CHTF18: variants seen among roughly 807,000 people sequenced by gnomAD.
CHTF18 encodes chromosome transmission fidelity factor 18.
CHTF18 carries 151 observed loss-of-function variants against 113.4 expected under a neutral mutation model. That is an observed-to-expected ratio of 1.33 (90% CI 1.17 to 1.52). The LOEUF (loss-of-function observed/expected upper bound fraction) is 1.52, where lower values mean the gene tolerates loss of function less well. Among genes scored for constraint, CHTF18 ranks in the 40% most tolerant of loss-of-function variants. CHTF18 has a pLI of 0.00. For missense variants in CHTF18, 1,982 were observed against 1,381.6 expected, an observed-to-expected ratio of 1.43 and a Z score of -6.89; for synonymous variants, 916 against 598.8, an observed-to-expected ratio of 1.53 and a Z score of -7.74.
At chr16:791,502 T>G in intron 8 of CHTF18, 132 bp downstream of exon 8, 1 of 1,443,164 alleles carries the variant, frequency 6.9e-7, no homozygotes, top group Non-Finnish European at 9.1e-7. Context: ...TGAAGCGCCA[T>G]TAGCGTGAGT....
chr16:789,533 C>A lies in CHTF18; in HGVS notation c.438-14C>A. On this transcript the variant is annotated splice_polypyrimidine_tract_variant and intron_variant, in intron 3 of 21. Coordinates refer to ENST00000262315, the MANE Select transcript of CHTF18 (RefSeq NM_022092.3). ...CGCTTGAGTTTCTGCCACTGAGCCCCGGTCTCTCTCCAGAGTCTCAGAAGC... is the reference window on the plus strand; with the variant it reads ...CGCTTGAGTTTCTGCCACTGAGCCCAGGTCTCTCTCCAGAGTCTCAGAAGC... 6.3e-7 allele frequency: 1 copy of A among 1,585,458 alleles called. No individual in the cohort carries two copies. The highest frequency in any genetic ancestry group is 2.2e-5 in the East Asian group (1 of 44,482).
intron 7 of CHTF18, 141 bp from the exon 8 acceptor site, chr16:791,020 C>T (rs952505028): frequency 1.6e-5 from 23 of 1,476,044 alleles, no homozygotes; most frequent in Admixed American, 4.3e-5. Flanking sequence ...CTTGCGGTCA[C>T]TCGCTGGCAG....
At chr16:794,581 TGCC>T (rs2042286910) in intron 15 of CHTF18, 1 of 251,012 alleles carries the variant, frequency 4.0e-6, no homozygotes. Flanking sequence ...GAGGGCTTCC[TGCC>T]GCCCTGCCCG....
intron 7 of CHTF18, 160 bp from the exon 8 acceptor site, chr16:791,001 G>A: frequency 6.8e-7 from 1 of 1,464,794 alleles, no homozygotes; most frequent in Non-Finnish European, 9.0e-7. Context: ...TGGAGCCCCT[G>A]GTGTGAGCCT....
Position 788,982 on chromosome 16 carries a change from C to A in CHTF18, c.143C>A (p.Pro48His). ...SGVPLFTAGR[P>H]PRTFEEALAR... ...GTCCCCCTGTTCACCGCGGGCCGAC[C>A]CCCGCGGACGTTCGAGGAGGCCCTT... Residue 48 changes from proline to histidine, a missense_variant, in exon 2 of 22, where the codon CCC (proline) becomes CAC (histidine). Physicochemically the swap from Pro to His is moderately conservative, Grantham distance 77. Transcript: ENST00000262315. 1 of 1,564,908 alleles carries A rather than the reference C, an allele frequency of 6.4e-7. No individual in the cohort carries two copies. Among genetic ancestry groups the A allele is most frequent in the East Asian group, 2.4e-5 (1 of 42,440 alleles).
At chr16:790,981 G>C in intron 7 of CHTF18, 180 bp from the exon 8 acceptor site, 1 of 1,450,210 alleles carries the variant, frequency 6.9e-7, no homozygotes, top group South Asian at 1.4e-5. Flanking sequence ...TGTGGCCAGA[G>C]CCGTGGGGGT....
rs2042208336 is a variant in CHTF18 at position 791,927 on chromosome 16, CTG to C, written c.1184_1185del (p.Val395GlyfsTer7). On this transcript the variant is annotated frameshift_variant, in exon 9 of 22. Transcript: ENST00000262315. LOFTEE classifies it high-confidence loss of function. ...GTGATTGCGCGTCACGCGGGGTACT[CTG>C]TGGTGGAGATGAACGCCAGGTGAGT... is the stretch of plus-strand genomic sequence containing the variant. 3.1e-6 allele frequency: 5 copies of C among 1,609,256 alleles called. No homozygotes were observed. Among genetic ancestry groups the C allele is most frequent in the Admixed American group, 3.4e-5 (2 of 59,528 alleles).
rs772731926 is a variant in CHTF18 at position 789,233 on chromosome 16, C to T, written c.310C>T (p.Leu104=). ...PHAPRIKRPR[L]QVVKRLNFRS... Reference sequence around the variant, plus strand: ...AGCCCCCAGGATCAAACGGCCTAGGCTGCAGGTGGTCAAGAGGCTGAACTT... The same window carrying T: ...AGCCCCCAGGATCAAACGGCCTAGGTTGCAGGTGGTCAAGAGGCTGAACTT... The change falls in exon 3 of 22, where the codon CTG becomes TTG. Residue 104 remains leucine, a synonymous_variant. Transcript: ENST00000262315. 3.2e-6 allele frequency: 5 copies of T among 1,553,396 alleles called. No individual in the cohort carries two copies. In the African/African-American group the frequency reaches 6.8e-5, roughly 21 times the overall value.
chr16:796,005 C>T lies in CHTF18; in HGVS notation c.2384C>T (p.Thr795Met), dbSNP rs200840110. 5.4e-5 allele frequency: 87 copies of T among 1,607,644 alleles called. No homozygotes were observed. In the African/African-American group the frequency reaches 6.9e-4, roughly 13 times the overall value. ...EKQQLASLVG[T>M]MLAYSLTYRQ... Reference sequence around the variant, plus strand: ...CAACAGCTGGCCAGCCTGGTGGGCACGATGCTCGCTTACAGCCTGACCTAC... The same window carrying T: ...CAACAGCTGGCCAGCCTGGTGGGCATGATGCTCGCTTACAGCCTGACCTAC... Residue 795 changes from threonine (T) to methionine (M), a missense_variant, in exon 18 of 22, where the codon ACG (threonine) becomes ATG (methionine). Transcript: ENST00000262315.
At chr16:797,552 G>C in intron 20 of CHTF18, 142 bp from the exon 21 acceptor site, 1 of 798,380 alleles carries the variant, frequency 1.3e-6, no homozygotes, top group South Asian at 1.7e-5. Context: ...GTGAGGGGCA[G>C]CTGGCCTGGG....
rs2042258996 is a variant in CHTF18 at position 793,539 on chromosome 16, T to G, written c.1802+265T>G. ...TGGTGGGGCCTCCAGGGCGTCCCTC[T>G]CCAGGGCGCCCCTTGACTCAGCTGC... On this transcript the variant is annotated intron_variant, in intron 14 of 21. Coordinates refer to ENST00000262315, the MANE Select transcript of CHTF18 (RefSeq NM_022092.3). 5.1e-6 allele frequency: 3 copies of G among 584,546 alleles called. No individual in the cohort carries two copies. In the South Asian group the frequency reaches 6.1e-5, roughly 12 times the overall value. The allele number at this position is 584,546 out of a possible 1,614,324, so 36.2% of individuals were successfully genotyped here.
chr16:789,481 G>T (rs904156335), intron 3 of CHTF18, 66 bp from the exon 4 acceptor site: 11 of 1,544,286 alleles, frequency 7.1e-6, no homozygotes, highest in East Asian at 2.3e-5. Flanking sequence ...GAGCAGTCTC[G>T]GACACCCATA....
chr16:798,029 G>A lies in CHTF18; in HGVS notation c.*54G>A. On this transcript the variant is annotated 3_prime_UTR_variant, in exon 22 of 22. Coordinates refer to ENST00000262315, the MANE Select transcript of CHTF18 (RefSeq NM_022092.3). Reference sequence around the variant, plus strand: ...TTGCTTCCCGCAGAGTGCAGAGACAGGAAGCTGGAGATGTCTTTATAAAGT... The same window carrying A: ...TTGCTTCCCGCAGAGTGCAGAGACAAGAAGCTGGAGATGTCTTTATAAAGT... 6.4e-7 allele frequency: 1 copy of A among 1,567,362 alleles called. No homozygotes were observed. The highest frequency in any genetic ancestry group is 8.7e-7 in the Non-Finnish European group (1 of 1,155,778).
At chr16:797,437 C>T (rs1179957311) in intron 20 of CHTF18, among the ~76,000 whole-genome samples, 2 of 152,134 alleles carry the variant, frequency 1.3e-5, no homozygotes, top group Non-Finnish European at 2.9e-5. Flanking sequence ...TTACCCTCAG[C>T]ATGACCAGGG....
chr16:796,965 A>G lies in CHTF18; in HGVS notation c.2606A>G (p.Asp869Gly), dbSNP rs976320160. Residue 869 changes from aspartate (D) to glycine (G), a missense_variant, in exon 20 of 22, where the codon GAT becomes GGT. Transcript: ENST00000262315. ...SARVENSPQV[D>G]GSPPGLEGLL... Reference sequence around the variant, plus strand: ...CACAATGCCTGCTCCCTACAGGTGGATGGGAGCCCCCCAGGGCTCGAGGGT... The same window carrying G: ...CACAATGCCTGCTCCCTACAGGTGGGTGGGAGCCCCCCAGGGCTCGAGGGT... 1 of 1,525,004 alleles carries G rather than the reference A, an allele frequency of 6.6e-7. No individual in the cohort carries two copies. Among genetic ancestry groups the G allele is most frequent in the Non-Finnish European group, 8.8e-7 (1 of 1,133,916 alleles). The allele number at this position is 1,525,004 out of a possible 1,614,324, so 94.5% of individuals were successfully genotyped here. A position where few individuals can be genotyped will look rare whatever the true frequency, so the allele number is the denominator to read the frequency against.
Position 789,033 on chromosome 16 carries a change from C to T in CHTF18, c.194C>T (p.Pro65Leu). The change falls in exon 2 of 22, where the codon CCC (proline) becomes CTC (leucine). Residue 65 changes from proline to leucine, a missense_variant. Pro to Leu is a moderately conservative substitution (Grantham distance 98). Transcript: ENST00000262315. Reference sequence around the variant, plus strand: ...GCCAGAGGGGACGCGGCCTCCAGTCCCGCCCCAGCCGCATCTGTGGGCAGC... The same window carrying T: ...GCCAGAGGGGACGCGGCCTCCAGTCTCGCCCCAGCCGCATCTGTGGGCAGC... ...ALARGDAASS[P>L]APAASVGSSQ... 2 of 1,535,642 alleles carry T rather than the reference C, an allele frequency of 1.3e-6. No individual in the cohort carries two copies. Among genetic ancestry groups the T allele is most frequent in the Non-Finnish European group, 1.8e-6 (2 of 1,141,804 alleles).
chr16:794,737 A>T (rs1007033203), intron 15 of CHTF18: 1 of 256,510 alleles, frequency 3.9e-6, no homozygotes, highest in African/African-American at 2.2e-5. Context: ...CCCCCACGGA[A>T]CAGGGGTGGG....
chr16:791,962 G>C lies in CHTF18; in HGVS notation c.1202+14G>C, dbSNP rs747265834. 52 of 1,600,700 alleles carry C rather than the reference G, an allele frequency of 3.2e-5. No homozygotes were observed. In the South Asian group the frequency reaches 3.6e-4, roughly 11 times the overall value. ...GATGAACGCCAGGTGAGTGATGTGA[G>C]GTCCGTCTCTGGCTCGCCTTCTGTC... On this transcript the variant is annotated intron_variant, in intron 9 of 21. Coordinates refer to ENST00000262315, the MANE Select transcript of CHTF18 (RefSeq NM_022092.3).
chr16:792,818 G>A lies in CHTF18; in HGVS notation c.1572+7G>A. On this transcript the variant is annotated splice_region_variant and intron_variant, in intron 12 of 21. Coordinates refer to ENST00000262315, the MANE Select transcript of CHTF18 (RefSeq NM_022092.3). ...GGTGCAGCGGCTCCAGGAGGTCGGT[G>A]GAGCCCCAGGAGCCGTGTGGCTGAT... 6.5e-7 allele frequency: 1 copy of A among 1,539,024 alleles called. No homozygotes were observed.
Sources: allele counts gnomAD v4.1 joint callset (sites outside exome capture counted in the v4.1 genomes callset), GRCh38; gene constraint gnomAD v4.1.1; transcripts MANE v1.5; gene names NCBI Gene and HGNC (gene_info 2026-07-23, HGNC 2026-07-21).